Variants in HPSE2 observed in about 807,000 individuals in gnomAD.
The protein encoded by HPSE2 is inactive heparanase-2.
Under a neutral mutation model 60.5 loss-of-function variants are expected in HPSE2, and 38 were observed. The observed-to-expected ratio is 0.63, with a 90% CI of 0.48 to 0.82. The LOEUF is 0.82. Among genes scored for constraint, HPSE2 ranks in the 40% least tolerant of loss-of-function variants. HPSE2 has a pLI of 0.00. For missense variants in HPSE2, 713 were observed against 740.4 expected (o/e 0.96, Z 0.43); for synonymous variants, 295 against 293.2 (o/e 1.01, Z -0.06).
chr10:98,914,414 G>C (rs547871126), intron 3 of HPSE2, among the ~76,000 whole-genome samples: 15 of 151,900 alleles, frequency 9.9e-5, no homozygotes, highest in African/African-American at 3.1e-4. Context: ...TAATACAGAG[G>C]TAAAATAAAA....
rs530222145 is a variant in HPSE2 at position 98,799,341 on chromosome 10, G to A, written c.611-55285C>T. On this transcript the variant is annotated intron_variant, in intron 3 of 11. Transcript: ENST00000370552. The stretch of plus-strand genomic sequence containing the variant: ...GATAGGGCCCAATACATAATAGCTG[G>A]AGACTTCAACACCCCACTTTCAGCA... 2.6e-5 allele frequency among the ~76,000 whole-genome samples: 4 copies of A among 152,270 alleles called. No homozygotes were observed. In the East Asian group the frequency reaches 7.7e-4, roughly 29 times the overall value.
chr10:98,685,647 CCTT>C (rs1947895729), intron 6 of HPSE2, among the ~76,000 whole-genome samples: 1 of 152,142 alleles, frequency 6.6e-6, no homozygotes, highest in East Asian at 1.9e-4. Context: ...TATCCATTCT[CCTT>C]CTGATGAACA....
intron 3 of HPSE2, among the ~76,000 whole-genome samples, chr10:99,120,890 A>G (rs1188453747): frequency 1.3e-5 from 2 of 152,228 alleles, no homozygotes; most frequent in Non-Finnish European, 2.9e-5. Flanking sequence ...ATTGAGGAAA[A>G]CAGTGTGGTA....
chr10:98,885,116 G>A (rs563384352), intron 3 of HPSE2, among the ~76,000 whole-genome samples: 3 of 152,250 alleles, frequency 2.0e-5, no homozygotes, highest in Non-Finnish European at 4.4e-5. Flanking sequence ...AGAAGAAATT[G>A]ATTCCAACCC....
At chr10:98,466,535 C>T (rs139703993) in intron 11 of HPSE2, among the ~76,000 whole-genome samples, 1,750 of 149,436 alleles carry the variant, frequency 0.012, 34 homozygotes, top group African/African-American at 0.04. Context: ...CGCTTGAACT[C>T]GGGAGGTGGA....
chr10:98,986,963 C>G (rs186992354), intron 3 of HPSE2, among the ~76,000 whole-genome samples: 67 of 152,236 alleles, frequency 4.4e-4, no homozygotes, highest in Non-Finnish European at 7.1e-4. Flanking sequence ...AGTCTCTGAA[C>G]AGACCAATAG....
intron 9 of HPSE2, among the ~76,000 whole-genome samples, chr10:98,529,536 T>C (rs1943070573): frequency 6.6e-6 from 1 of 152,228 alleles, no homozygotes; most frequent in Non-Finnish European, 1.5e-5. Flanking sequence ...ATCTCAAACC[T>C]CACATGCCCT....
At chr10:98,954,976 A>G (rs556571097) in intron 3 of HPSE2, among the ~76,000 whole-genome samples, 2 of 59,550 alleles carry the variant, frequency 3.4e-5, no homozygotes, top group African/African-American at 9.6e-5. Context: ...ATATATACAT[A>G]TTTATATATA....
intron 5 of HPSE2, among the ~76,000 whole-genome samples, chr10:98,714,807 C>T (rs958258491): frequency 1.3e-5 from 2 of 151,722 alleles, no homozygotes; most frequent in Admixed American, 6.6e-5. Context: ...GCATTGTATA[C>T]GGGTTGCAAT....
chr10:98,544,943 T>C (rs1398719794), intron 9 of HPSE2, among the ~76,000 whole-genome samples: 2 of 151,896 alleles, frequency 1.3e-5, no homozygotes, highest in Non-Finnish European at 2.9e-5. Flanking sequence ...AAGAATCAAA[T>C]AGATGCAATA....
chr10:99,136,417 G>A (rs1461335975), intron 3 of HPSE2, among the ~76,000 whole-genome samples: 3 of 152,058 alleles, frequency 2.0e-5, no homozygotes, highest in African/African-American at 4.8e-5. Flanking sequence ...TGATACCAAA[G>A]CCTGGCAGAG....
At chr10:99,087,165 T>C (rs576942936) in intron 3 of HPSE2, among the ~76,000 whole-genome samples, 116 of 152,310 alleles carry the variant, frequency 7.6e-4, no homozygotes, top group African/African-American at 2.7e-3. Flanking sequence ...GTTTGAAAAA[T>C]CATGTGTACT....
At chr10:98,646,315 CTTTTTTCT>C (rs998214278) in intron 6 of HPSE2, among the ~76,000 whole-genome samples, 10 of 88,660 alleles carry the variant, frequency 1.1e-4, no homozygotes, top group Non-Finnish European at 1.4e-4. Flanking sequence ...TTCTTTTTTT[CTTTTTTCT>C]TTTTTTTTTT....
intron 9 of HPSE2, among the ~76,000 whole-genome samples, chr10:98,550,207 T>G (rs1419371578): frequency 6.6e-6 from 1 of 152,218 alleles, no homozygotes; most frequent in Non-Finnish European, 1.5e-5. Flanking sequence ...AGAAACTTCC[T>G]TTCTTTTCCC....
rs1181887226 is a variant in HPSE2, at chr10:98,941,441, A to T, written c.611-197385T>A. Among the ~76,000 whole-genome samples the T allele has an allele frequency of 2.9e-5, 4 of 139,544 alleles. 1 individual carries two copies. The highest frequency in any genetic ancestry group is 6.1e-5 in the Non-Finnish European group (4 of 65,996). 91.5% of individuals were successfully genotyped at this position (139,544 alleles called of 152,430 possible). A position where few individuals can be genotyped will look rare whatever the true frequency, so the allele number is the denominator to read the frequency against. ...ACAAGCGTTCTTATACACCAATAAC[A>T]GACAGAGAGCCAAATCATCAGTGAA... On this transcript the variant is annotated intron_variant, in intron 3 of 11. Transcript: ENST00000370552.
chr10:99,112,447 G>C (rs1844506486), intron 3 of HPSE2, among the ~76,000 whole-genome samples: 1 of 150,130 alleles, frequency 6.7e-6, no homozygotes, highest in South Asian at 2.1e-4. Flanking sequence ...GTTTTGTTTT[G>C]TTTTGTTTTG....
At chr10:98,865,506 A>C (rs1306002366) in intron 3 of HPSE2, among the ~76,000 whole-genome samples, 2 of 152,110 alleles carry the variant, frequency 1.3e-5, no homozygotes, top group Non-Finnish European at 2.9e-5. Context: ...GACACAGAAA[A>C]GATGAAAAGG....
At chr10:99,026,939 C>A (rs1957390716) in intron 3 of HPSE2, among the ~76,000 whole-genome samples, 1 of 151,400 alleles carries the variant, frequency 6.6e-6, no homozygotes. Context: ...AATGAAAACA[C>A]AAAATACCAA....
chr10:98,870,695 A>G (rs1246185568), intron 3 of HPSE2, among the ~76,000 whole-genome samples: 2 of 152,276 alleles, frequency 1.3e-5, no homozygotes, highest in East Asian at 3.9e-4. Flanking sequence ...TCTCACTTCC[A>G]TTTCCATATG....
Sources: allele counts gnomAD v4.1 joint callset (sites outside exome capture counted in the v4.1 genomes callset), GRCh38; gene constraint gnomAD v4.1.1; transcripts MANE v1.5; gene names NCBI Gene and HGNC (gene_info 2026-07-23, HGNC 2026-07-21).